The following KIF6 variants were observed in gnomAD, a reference collection of about 807,000 sequenced individuals.
The protein encoded by KIF6 is kinesin-like protein KIF6.
A neutral mutation model predicts 112.7 loss-of-function variants in KIF6; 106 were observed. The ratio of observed to expected loss-of-function variants is 0.94; its 90% CI spans 0.80 to 1.11. The LOEUF (loss-of-function observed/expected upper bound fraction) is 1.11, where lower values mean the gene tolerates loss of function less well. Among genes scored for constraint, KIF6 ranks in the 50% least tolerant of loss-of-function variants. The probability of loss-of-function intolerance (pLI) is 0.00; values close to 1 mark genes in which losing one functional copy is unlikely to be tolerated. For missense variants in KIF6, 929 were observed against 964.0 expected, an observed-to-expected ratio of 0.96 and a Z score of 0.48; for synonymous variants, 339 against 339.9, an observed-to-expected ratio of 1.00 and a Z score of 0.03.
chr6:39,343,578 ACAGG>A lies in KIF6; in HGVS notation c.2428+127_2428+130del, dbSNP rs1763469123. The stretch of plus-strand genomic sequence containing the variant: ...ATCAGAGGCTGGGCACATGTGACTG[ACAGG>A]CAGGCCAGTCCTGTGGCTTCAGGAA... On this transcript the variant is annotated intron_variant, in intron 22 of 22. Transcript: ENST00000287152. This position sits in a 1 kb window ranked among gnomAD's most constrained non-coding sequence, Gnocchi z 4.1. 4.2e-6 allele frequency: 5 copies of A among 1,184,344 alleles called. No individual in the cohort carries two copies. The highest frequency in any genetic ancestry group is 5.9e-6 in the Non-Finnish European group (5 of 847,930). The allele number at this position is 1,184,344 out of a possible 1,614,324, so 73.4% of individuals were successfully genotyped here.
rs145508300 is a variant in KIF6 at position 39,710,881 on chromosome 6, C to T, written c.251+3811G>A. Among the ~76,000 whole-genome samples the T allele has an allele frequency of 2.1e-3, 325 of 151,836 alleles. 1 individual carries two copies. Among genetic ancestry groups the T allele is most frequent in the African/African-American group, 7.1e-3 (294 of 41,418 alleles). ...TCTATAAAAAATTCAAAAAATTAGC[C>T]GAGTGTGGTAGCATGCATGTGTAAT... On this transcript the variant is annotated intron_variant, in intron 3 of 22. Transcript: ENST00000287152.
At chr6:39,441,675 G>A (rs1465746958) in intron 13 of KIF6, among the ~76,000 whole-genome samples, 2 of 152,232 alleles carry the variant, frequency 1.3e-5, no homozygotes, top group Non-Finnish European at 1.5e-5. Flanking sequence ...GACTGCAGAT[G>A]TGAAGACCAG....
intron 13 of KIF6, among the ~76,000 whole-genome samples, chr6:39,440,590 G>C (rs938979737): frequency 3.3e-5 from 5 of 151,894 alleles, no homozygotes; most frequent in Non-Finnish European, 7.4e-5. Context: ...CCCCCTCACT[G>C]TTCATCGTCC....
intron 9 of KIF6, among the ~76,000 whole-genome samples, chr6:39,581,298 G>A (rs1290671163): frequency 6.6e-6 from 1 of 150,938 alleles, no homozygotes; most frequent in Non-Finnish European, 1.5e-5. Flanking sequence ...CTCCTGAGTA[G>A]CTGGAATTAC....
At chr6:39,365,760 C>T (rs1434496423) in intron 16 of KIF6, among the ~76,000 whole-genome samples, 2 of 152,206 alleles carry the variant, frequency 1.3e-5, no homozygotes, top group Non-Finnish European at 2.9e-5. Context: ...TCAGTGAAGC[C>T]CCACTCTGCG....
chr6:39,366,890 G>A (rs561452443), intron 16 of KIF6, among the ~76,000 whole-genome samples: 2 of 150,886 alleles, frequency 1.3e-5, no homozygotes, highest in African/African-American at 4.9e-5. Context: ...GCTAAGTTGA[G>A]CATTTTTTTT....
intron 3 of KIF6, among the ~76,000 whole-genome samples, chr6:39,697,177 C>G (rs1413557188): frequency 6.6e-6 from 1 of 152,108 alleles, no homozygotes; most frequent in Non-Finnish European, 1.5e-5. Flanking sequence ...TGAAACCTCT[C>G]CCTATTTCCA....
chr6:39,439,920 A>G (rs1252893020), intron 13 of KIF6, among the ~76,000 whole-genome samples: 1 of 152,186 alleles, frequency 6.6e-6, no homozygotes, highest in Non-Finnish European at 1.5e-5. Context: ...GGCTGCTCCT[A>G]AACAACCTAC....
chr6:39,556,496 G>A (rs1349737130), intron 10 of KIF6, among the ~76,000 whole-genome samples: 5 of 150,858 alleles, frequency 3.3e-5, no homozygotes, highest in Non-Finnish European at 7.4e-5. Flanking sequence ...ACAAAAGAGT[G>A]TAGTAGAGAG....
intron 13 of KIF6, among the ~76,000 whole-genome samples, chr6:39,446,810 C>T (rs749111701): frequency 7.2e-5 from 11 of 152,038 alleles, no homozygotes; most frequent in Non-Finnish European, 1.2e-4. Flanking sequence ...TTCTTAAAAA[C>T]GTTATTTGTT....
intron 13 of KIF6, among the ~76,000 whole-genome samples, chr6:39,451,759 G>C (rs1772714138): frequency 6.6e-6 from 1 of 152,136 alleles, no homozygotes; most frequent in South Asian, 2.1e-4. Flanking sequence ...TGCATGCAGG[G>C]CATTCCAGGT....
intron 13 of KIF6, among the ~76,000 whole-genome samples, chr6:39,531,629 A>G (rs185320073): frequency 1.3e-4 from 20 of 152,214 alleles, no homozygotes; most frequent in Non-Finnish European, 2.5e-4. Context: ...AACAATGTCA[A>G]TTGGGGAAAT....
At chr6:39,642,031 C>T (rs529814550) in intron 3 of KIF6, among the ~76,000 whole-genome samples, 2 of 152,248 alleles carry the variant, frequency 1.3e-5, no homozygotes, top group East Asian at 3.9e-4. Flanking sequence ...AATTTGTCTC[C>T]AGTCCCTTCT....
rs143469100 is a variant in KIF6, at chr6:39,652,269, C to G, written c.252-12512G>C. Among the ~76,000 whole-genome samples, 3 of 152,256 alleles carry G rather than the reference C, an allele frequency of 2.0e-5. 1 individual carries two copies. The East Asian group carries it at 5.8e-4, about 29-fold the overall frequency. On this transcript the variant is annotated intron_variant, in intron 3 of 22. Transcript: ENST00000287152. Reference sequence around the variant, plus strand: ...GTCTTGCCAGGTACAGTGGCTCATGCCTGTAATCCCAGCACTTTGGGAGGC... The same window carrying G: ...GTCTTGCCAGGTACAGTGGCTCATGGCTGTAATCCCAGCACTTTGGGAGGC...
chr6:39,635,675 A>G (rs1784588813), intron 4 of KIF6, among the ~76,000 whole-genome samples: 1 of 152,072 alleles, frequency 6.6e-6, no homozygotes, highest in South Asian at 2.1e-4. Flanking sequence ...CAATGTAATG[A>G]GGCTAAAAGT....
At chr6:39,632,119 C>T (rs969401372) in intron 5 of KIF6, among the ~76,000 whole-genome samples, 2 of 151,952 alleles carry the variant, frequency 1.3e-5, no homozygotes, top group East Asian at 3.9e-4. Context: ...ACAAAATCCA[C>T]AGACAGTTTT....
chr6:39,491,277 G>A (rs1448367874), intron 13 of KIF6, among the ~76,000 whole-genome samples: 3 of 151,896 alleles, frequency 2.0e-5, no homozygotes, highest in Non-Finnish European at 2.9e-5. Context: ...TTGTGAGAAC[G>A]CTCACACAGA....
At chr6:39,680,990 G>A (rs1787478020) in intron 3 of KIF6, among the ~76,000 whole-genome samples, 2 of 151,890 alleles carry the variant, frequency 1.3e-5, no homozygotes, top group African/African-American at 4.8e-5. Flanking sequence ...AAGTACTTTG[G>A]GTACAAGGAA....
intron 13 of KIF6, among the ~76,000 whole-genome samples, chr6:39,432,669 G>A (rs537085659): frequency 7.2e-5 from 11 of 152,288 alleles, no homozygotes; most frequent in African/African-American, 2.4e-4. Flanking sequence ...TGTGTGAGAC[G>A]CAGAAAGATG....
Sources: allele counts gnomAD v4.1 joint callset (sites outside exome capture counted in the v4.1 genomes callset), GRCh38; gene constraint gnomAD v4.1.1; non-coding constraint Gnocchi (gnomAD v3.1); transcripts MANE v1.5; gene names NCBI Gene and HGNC (gene_info 2026-07-23, HGNC 2026-07-21).